SNAP23: variants seen among roughly 807,000 people sequenced by gnomAD.
SNAP23 encodes synaptosome associated protein 23.
In SNAP23, 11 loss-of-function variants were observed where a neutral mutation model predicts 29.0. The observed-to-expected ratio is 0.38, with a 90% CI of 0.24 to 0.63. The LOEUF is 0.63. SNAP23 is among the 20% of genes least tolerant of loss of function. SNAP23 has a pLI of 0.58. For synonymous variants in SNAP23, 60 were observed against 82.9 expected (o/e 0.72, Z 1.50); for missense variants, 220 against 253.9 (o/e 0.87, Z 0.91).
intron 1 of SNAP23, among the ~76,000 whole-genome samples, chr15:42,499,366 C>G (rs976086091): frequency 1.3e-5 from 2 of 152,198 alleles, no homozygotes; most frequent in African/African-American, 2.4e-5. Context: ...GCCACCGCGC[C>G]CGGTCTAAGG....
intron 3 of SNAP23, 165 bp from the exon 4 acceptor site, chr15:42,513,234 G>T (rs774385732): frequency 1.3e-5 from 10 of 758,106 alleles, no homozygotes; most frequent in Non-Finnish European, 2.4e-5. Context: ...TATTTTGGGG[G>T]CTGCTATGTT....
In SNAP23 at chr15:42,531,747, A is replaced by G. The variant is rs548880570; in HGVS notation, c.*269A>G. The stretch of plus-strand genomic sequence containing the variant: ...TGTTTAGTGTTTTCATCCTCCTCAT[A>G]TACTTCAGCAGGTTCTTTTGCTTTC... On this transcript the variant is annotated 3_prime_UTR_variant, in exon 8 of 8. Transcript: ENST00000249647. 6 of 280,980 alleles carry G rather than the reference A, an allele frequency of 2.1e-5. No homozygotes were observed. The highest frequency in any genetic ancestry group is 4.4e-5 in the African/African-American group (2 of 45,752). 17.4% of individuals were successfully genotyped at this position (280,980 alleles called of 1,614,324 possible).
chr15:42,512,949 T>C lies in SNAP23; in HGVS notation c.58-6T>C. 6.2e-7 allele frequency: 1 copy of C among 1,609,218 alleles called. No individual in the cohort carries two copies. The highest frequency in any genetic ancestry group is 1.1e-5 in the South Asian group (1 of 90,752). On this transcript the variant is annotated splice_region_variant and splice_polypyrimidine_tract_variant and intron_variant, in intron 2 of 7. Transcript: ENST00000249647. ...TGGAATGCTAAAATTCTGTGTTCTT[T>C]CCTAGTCTCTGGAAAGTACGAGGAG...
At chr15:42,508,558 A>AT (rs2057333761) in intron 1 of SNAP23, among the ~76,000 whole-genome samples, 3 of 152,274 alleles carry the variant, frequency 2.0e-5, no homozygotes, top group East Asian at 3.9e-4. Flanking sequence ...AAAAAATATT[A>AT]AGCAGAACTT....
At chr15:42,503,980 G>A (rs1223788364) in intron 1 of SNAP23, among the ~76,000 whole-genome samples, 3 of 152,062 alleles carry the variant, frequency 2.0e-5, no homozygotes, top group East Asian at 1.9e-4. Context: ...TTGTGTAGAA[G>A]GAGATAGAAA....
Position 42,529,757 on chromosome 15 carries a change from G to C in SNAP23, c.508G>C (p.Ala170Pro). The change falls in exon 7 of 8, where the codon GCC becomes CCC. Residue 170 changes from alanine to proline, a missense_variant. By Grantham distance (27) the Ala-to-Pro change is conservative. Transcript: ENST00000249647. Reference protein sequence around the residue: ...GSILGNLKDMALNIGNEIDAQ... With the variant: ...GSILGNLKDMPLNIGNEIDAQ... Reference sequence around the variant, plus strand: ...TATCCTGGGAAATCTAAAAGACATGGCCCTGAACATAGGCAATGAGATTGA... The same window carrying C: ...TATCCTGGGAAATCTAAAAGACATGCCCCTGAACATAGGCAATGAGATTGA... 1 of 1,614,030 alleles carries C rather than the reference G, an allele frequency of 6.2e-7. No individual in the cohort carries two copies. The highest frequency in any genetic ancestry group is 8.5e-7 in the Non-Finnish European group (1 of 1,179,980).
chr15:42,520,252 T>C (rs1180295195), intron 5 of SNAP23, among the ~76,000 whole-genome samples: 2 of 151,662 alleles, frequency 1.3e-5, no homozygotes, highest in African/African-American at 2.4e-5. Flanking sequence ...GGTTTCACCA[T>C]GTTGGTCAGG....
intron 5 of SNAP23, among the ~76,000 whole-genome samples, chr15:42,517,440 A>G (rs28680942): frequency 0.019 from 2,882 of 152,268 alleles, 96 homozygotes; most frequent in African/African-American, 0.067. Flanking sequence ...GAACAAGGAG[A>G]AAGAAGTCTC....
chr15:42,504,532 C>T (rs902776591), intron 1 of SNAP23, among the ~76,000 whole-genome samples: 2 of 152,134 alleles, frequency 1.3e-5, no homozygotes. Flanking sequence ...AACATTGTTA[C>T]TTTCCTTTTG....
chr15:42,501,401 T>G (rs1020357436), intron 1 of SNAP23, among the ~76,000 whole-genome samples: 1 of 152,138 alleles, frequency 6.6e-6, no homozygotes, highest in Non-Finnish European at 1.5e-5. Context: ...GTTTGTGTTT[T>G]TTTGTTTGTT....
At chr15:42,518,912 G>A (rs1359624261) in intron 5 of SNAP23, among the ~76,000 whole-genome samples, 1 of 151,974 alleles carries the variant, frequency 6.6e-6, no homozygotes, top group Non-Finnish European at 1.5e-5. Context: ...ACCCAGGTTG[G>A]AGTACAGTGG....
chr15:42,522,492 A>T (rs930255276), intron 5 of SNAP23, among the ~76,000 whole-genome samples: 12 of 152,088 alleles, frequency 7.9e-5, no homozygotes, highest in African/African-American at 2.2e-4. Context: ...ATTAAATGTT[A>T]AAAAATTAAG....
In SNAP23 at chr15:42,528,243, A is replaced by G. The variant is rs1462419700; in HGVS notation, c.267-19A>G. 1.4e-5 allele frequency: 23 copies of G among 1,610,980 alleles called. No homozygotes were observed. Among genetic ancestry groups the G allele is most frequent in the Middle Eastern group, 1.7e-4 (1 of 6,054 alleles). ...CTTCTTTTTTTTGGTATCTCCCTAC[A>G]CTCCTGACTCTTATATAGAACAAAG... On this transcript the variant is annotated intron_variant, in intron 5 of 7. Coordinates refer to ENST00000249647, the MANE Select transcript of SNAP23 (RefSeq NM_003825.4).
At chr15:42,526,918 A>T (rs529294377) in intron 5 of SNAP23, among the ~76,000 whole-genome samples, 1 of 150,432 alleles carries the variant, frequency 6.6e-6, no homozygotes, top group South Asian at 2.1e-4. Context: ...GCTCCTTGCA[A>T]CCTCCGCCTC....
At chr15:42,520,669 T>A (rs2057440684) in intron 5 of SNAP23, among the ~76,000 whole-genome samples, 1 of 152,046 alleles carries the variant, frequency 6.6e-6, no homozygotes, top group Non-Finnish European at 1.5e-5. Flanking sequence ...TAATTTTTTG[T>A]ATTTTTAGTA....
chr15:42,499,460 G>A (rs2057250363), intron 1 of SNAP23, among the ~76,000 whole-genome samples: 1 of 152,172 alleles, frequency 6.6e-6, no homozygotes, highest in Non-Finnish European at 1.5e-5. Context: ...TGGGACAGCT[G>A]TGGAGTCTTC....
In SNAP23 at chr15:42,516,846, C is replaced by G. The variant is rs374054993; in HGVS notation, c.266+1492C>G. Among the ~76,000 whole-genome samples, 15 of 152,356 alleles carry G rather than the reference C, an allele frequency of 9.8e-5. No individual in the cohort carries two copies. The East Asian group carries it at 2.1e-3, about 22-fold the overall frequency. On this transcript the variant is annotated intron_variant, in intron 5 of 7. Transcript: ENST00000249647. ...CCATGAGGAAAGGTTTGACAGTGTT[C>G]TTCCTAGTCTTATCCATTGGCTTCC...
At chr15:42,506,323 G>A (rs1207942093) in intron 1 of SNAP23, among the ~76,000 whole-genome samples, 2 of 151,510 alleles carry the variant, frequency 1.3e-5, no homozygotes, top group Non-Finnish European at 2.9e-5. Context: ...CTGCAGCCCT[G>A]AACTCCCAGG....
Position 42,515,296 on chromosome 15 carries a change from G to A in SNAP23, c.208G>A (p.Glu70Lys). The A allele has an allele frequency of 6.2e-7, 1 of 1,612,878 alleles. No homozygotes were observed. The highest frequency in any genetic ancestry group is 1.1e-5 in the South Asian group (1 of 90,900). ...AATAAATAAGGACATGAGAGAGACAGAGAAGACTTTAACAGAACTCAACAA... is the reference window on the plus strand; with the variant it reads ...AATAAATAAGGACATGAGAGAGACAAAGAAGACTTTAACAGAACTCAACAA... ...DQINKDMRETEKTLTELNKCC... is the reference protein window; with the variant it reads ...DQINKDMRETKKTLTELNKCC... The change falls in exon 5 of 8, where the codon GAG becomes AAG. Residue 70 changes from glutamate to lysine, a missense_variant. Coordinates refer to ENST00000249647, the MANE Select transcript of SNAP23 (RefSeq NM_003825.4).
Sources: allele counts gnomAD v4.1 joint callset (sites outside exome capture counted in the v4.1 genomes callset), GRCh38; gene constraint gnomAD v4.1.1; transcripts MANE v1.5; gene names NCBI Gene and HGNC (gene_info 2026-07-23, HGNC 2026-07-21).